Variants in HEATR5A observed in about 807,000 individuals in gnomAD.
HEATR5A encodes the protein HEAT repeat containing 5A.
A neutral mutation model predicts 218.8 loss-of-function variants in HEATR5A; 178 were observed. The observed-to-expected ratio is 0.81, with a 90% CI of 0.72 to 0.92. The LOEUF (loss-of-function observed/expected upper bound fraction) is 0.92, where lower values mean the gene tolerates loss of function less well. HEATR5A is among the 40% of genes least tolerant of loss of function. HEATR5A has a pLI of 0.00. For synonymous variants in HEATR5A, 864 were observed against 871.6 expected (o/e 0.99, Z 0.15); for missense variants, 2,420 against 2,418.9 (o/e 1.00, Z -0.01).
Position 31,386,413 on chromosome 14 carries a change from G to A in HEATR5A, c.1345+7C>T, listed in dbSNP as rs773682840. ...AAGGTATTCCAATGAGTCACAAACA[G>A]ATATACCTGTACTTGAATCCTGTAG... On this transcript the variant is annotated splice_region_variant and intron_variant, in intron 9 of 35. Coordinates refer to ENST00000543095, the MANE Select transcript of HEATR5A (RefSeq NM_015473.4). The A allele has an allele frequency of 6.2e-7, 1 of 1,611,516 alleles. No homozygotes were observed. The highest frequency in any genetic ancestry group is 1.1e-5 in the South Asian group (1 of 90,942).
intron 22 of HEATR5A, among the ~76,000 whole-genome samples, chr14:31,329,404 T>C (rs150562117): frequency 1.1e-3 from 167 of 152,270 alleles, no homozygotes; most frequent in African/African-American, 3.8e-3. Flanking sequence ...GGTACAGGCA[T>C]TGGGTAAATA....
At chr14:31,379,660 AAAAT>A (rs1350650344) in intron 11 of HEATR5A, among the ~76,000 whole-genome samples, 1 of 152,206 alleles carries the variant, frequency 6.6e-6, no homozygotes, top group African/African-American at 2.4e-5. Context: ...GACTGGGCAA[AAAAT>A]AAATAAATAA....
chr14:31,394,266 T>C (rs552135450), intron 5 of HEATR5A, 40 bp from the exon 6 acceptor site: 2 of 1,316,166 alleles, frequency 1.5e-6, no homozygotes, highest in Admixed American at 3.0e-5. Flanking sequence ...AAAAATAAAA[T>C]ACAAATGTCA....
At chr14:31,303,796 G>A (rs1468756735) in intron 32 of HEATR5A, among the ~76,000 whole-genome samples, 1 of 152,154 alleles carries the variant, frequency 6.6e-6, no homozygotes, top group African/African-American at 2.4e-5. Context: ...GTAACGACAC[G>A]ATAGCACAGA....
chr14:31,395,212 C>A lies in HEATR5A; in HGVS notation c.584G>T (p.Cys195Phe). The change falls in exon 5 of 36, where the codon TGT becomes TTT. Residue 195 changes from cysteine to phenylalanine, a missense_variant. Transcript: ENST00000543095. ...AGATCATTTTACCTTTGCAGCAGCA[C>A]AACGAACAGCCATGGATCTATCTGT... ...CLTDRSMAVR[C>F]AAAKCLLELQ... The A allele has an allele frequency of 6.6e-7, 1 of 1,514,528 alleles. No individual in the cohort carries two copies. The highest frequency in any genetic ancestry group is 8.8e-7 in the Non-Finnish European group (1 of 1,136,110). The allele number at this position is 1,514,528 out of a possible 1,614,324, so 93.8% of individuals were successfully genotyped here.
At chr14:31,405,640 G>A (rs933001991) in intron 1 of HEATR5A, among the ~76,000 whole-genome samples, 1 of 152,130 alleles carries the variant, frequency 6.6e-6, no homozygotes, top group Non-Finnish European at 1.5e-5. Flanking sequence ...CAGAAAAGGC[G>A]AAAAGCAAGT....
At chr14:31,326,087 T>C in intron 23 of HEATR5A, 76 bp downstream of exon 23, 1 of 1,106,852 alleles carries the variant, frequency 9.0e-7, no homozygotes, top group Non-Finnish European at 1.4e-6. Flanking sequence ...ACTGATGAAT[T>C]CTCAGTGGTA....
intron 1 of HEATR5A, among the ~76,000 whole-genome samples, chr14:31,418,664 A>G (rs2031537089): frequency 1.3e-5 from 2 of 152,270 alleles, no homozygotes; most frequent in African/African-American, 4.8e-5. Flanking sequence ...AGTGTTATTT[A>G]TATGAGGACT....
At chr14:31,396,588 C>T (rs1313451201) in intron 4 of HEATR5A, among the ~76,000 whole-genome samples, 1 of 152,206 alleles carries the variant, frequency 6.6e-6, no homozygotes, top group East Asian at 1.9e-4. Flanking sequence ...CATCAAGAAT[C>T]ATTTCATAGT....
chr14:31,329,222 C>T (rs1900379252), intron 22 of HEATR5A, among the ~76,000 whole-genome samples: 1 of 152,170 alleles, frequency 6.6e-6, no homozygotes, highest in African/African-American at 2.4e-5. Context: ...CCTGGCCCCT[C>T]CCAAGTCTTA....
rs181292676 is a variant in HEATR5A at position 31,302,655 on chromosome 14, T to A, written c.5240-136A>T. The A allele has an allele frequency of 6.3e-3, 4,009 of 632,410 alleles. 33 individuals are homozygous for A. Among genetic ancestry groups the A allele is most frequent in the Middle Eastern group, 0.021 (49 of 2,344 alleles). The allele number at this position is 632,410 out of a possible 1,614,324, so 39.2% of individuals were successfully genotyped here. On this transcript the variant is annotated intron_variant, in intron 32 of 35. Transcript: ENST00000543095. ...GATTTCTAATAAAGAATTATAACTG[T>A]TAAGATAATGTAAGTAGCTTTATTA...
chr14:31,375,699 T>C (rs1902201255), intron 11 of HEATR5A, among the ~76,000 whole-genome samples: 1 of 152,136 alleles, frequency 6.6e-6, no homozygotes, highest in Admixed American at 6.5e-5. Flanking sequence ...ATCTGTATTC[T>C]TGATCTTCAG....
At chr14:31,400,712 T>A (rs780565272) in intron 2 of HEATR5A, among the ~76,000 whole-genome samples, 200 bp from the exon 3 acceptor site, 4 of 151,598 alleles carry the variant, frequency 2.6e-5, no homozygotes, top group Admixed American at 6.6e-5. Flanking sequence ...CTGCTAATAA[T>A]AAAAAAGCCC....
intron 18 of HEATR5A, among the ~76,000 whole-genome samples, chr14:31,349,089 T>C (rs1054300583): frequency 6.6e-6 from 1 of 152,070 alleles, no homozygotes; most frequent in Non-Finnish European, 1.5e-5. Flanking sequence ...GTTATACAAC[T>C]GATAGAAATG....
intron 1 of HEATR5A, among the ~76,000 whole-genome samples, chr14:31,419,174 A>G (rs1444172419): frequency 5.3e-5 from 8 of 152,138 alleles, no homozygotes; most frequent in African/African-American, 1.9e-4. Context: ...CCTATTCTAT[A>G]GTCATCTAGG....
intron 19 of HEATR5A, among the ~76,000 whole-genome samples, chr14:31,346,955 T>C (rs1237983425): frequency 6.6e-6 from 1 of 152,164 alleles, no homozygotes; most frequent in African/African-American, 2.4e-5. Context: ...AACGATATGG[T>C]AAAGTGGTTA....
At chr14:31,374,597 A>G (rs1902158625) in intron 12 of HEATR5A, among the ~76,000 whole-genome samples, 1 of 152,180 alleles carries the variant, frequency 6.6e-6, no homozygotes, top group South Asian at 2.1e-4. Context: ...GACCTAATAA[A>G]ACATGTATCT....
chr14:31,316,926 G>A (rs918122330), intron 26 of HEATR5A, among the ~76,000 whole-genome samples: 1 of 152,044 alleles, frequency 6.6e-6, no homozygotes, highest in Non-Finnish European at 1.5e-5. Context: ...GAACTCAAGT[G>A]AGCCACTTGC....
chr14:31,392,962 G>C (rs1422119320), intron 6 of HEATR5A, among the ~76,000 whole-genome samples: 2 of 152,122 alleles, frequency 1.3e-5, no homozygotes, highest in African/African-American at 4.8e-5. Flanking sequence ...CTCCACCCTG[G>C]GTGGCAGAGT....
Sources: gnomAD v4.1 joint callset for allele counts (sites outside exome capture counted in the v4.1 genomes callset) on GRCh38, gnomAD v4.1.1 for gene constraint, MANE v1.5 for transcripts, NCBI Gene and HGNC (gene_info 2026-07-23, HGNC 2026-07-21) for gene names.